NUDT3: variants seen among roughly 807,000 people sequenced by gnomAD.
NUDT3 encodes diphosphoinositol polyphosphate phosphohydrolase 1.
Under a neutral mutation model 23.6 loss-of-function variants are expected in NUDT3, and 9 were observed. That is an observed-to-expected ratio of 0.38 (90% confidence interval 0.23 to 0.66). The LOEUF (loss-of-function observed/expected upper bound fraction) is 0.66. Among genes scored for constraint, NUDT3 ranks in the 30% least tolerant of loss-of-function variants. The pLI is 0.52. For synonymous variants in NUDT3, 86 were observed against 82.6 expected (o/e 1.04, Z -0.22); for missense variants, 172 against 218.5 (o/e 0.79, Z 1.34).
intron 1 of NUDT3, among the ~76,000 whole-genome samples, chr6:34,354,520 C>T (rs1421522107): frequency 2.0e-5 from 3 of 151,594 alleles, no homozygotes; most frequent in Non-Finnish European, 2.9e-5. Context: ...GTCAGGAGCT[C>T]GAGACCAGCC....
intron 1 of NUDT3, among the ~76,000 whole-genome samples, chr6:34,388,103 G>A (rs1235744012): frequency 6.6e-6 from 1 of 152,046 alleles, no homozygotes; most frequent in Non-Finnish European, 1.5e-5. Flanking sequence ...TATTTATTCA[G>A]TACAGTCACA....
chr6:34,300,410 G>A (rs1318123128), intron 2 of NUDT3, among the ~76,000 whole-genome samples: 1 of 152,204 alleles, frequency 6.6e-6, no homozygotes, highest in Non-Finnish European at 1.5e-5. Flanking sequence ...GGGTTGTGGT[G>A]TACTTTGAGA....
At chr6:34,319,533 T>C (rs940485659) in intron 2 of NUDT3, among the ~76,000 whole-genome samples, 2 of 152,222 alleles carry the variant, frequency 1.3e-5, no homozygotes, top group South Asian at 4.1e-4. Flanking sequence ...CTGGGTGTGC[T>C]GTTCTCTAGG....
Position 34,305,778 on chromosome 6 carries a change from A to G in NUDT3, c.211-10093T>C, listed in dbSNP as rs554788417. Among the ~76,000 whole-genome samples the G allele has an allele frequency of 2.0e-5, 3 of 152,284 alleles. No homozygotes were observed. The South Asian group carries it at 6.2e-4, about 32-fold the overall frequency. On this transcript the variant is annotated intron_variant, in intron 2 of 4. Coordinates refer to ENST00000607016, the MANE Select transcript of NUDT3 (RefSeq NM_006703.4). Reference sequence around the variant, plus strand: ...TCTATGATGATTTGTGCTTTAACTCATGGATTATTTAGAACATTTTTTTGT... The same window carrying G: ...TCTATGATGATTTGTGCTTTAACTCGTGGATTATTTAGAACATTTTTTTGT...
chr6:34,349,450 A>G (rs984753771), intron 1 of NUDT3, among the ~76,000 whole-genome samples: 4 of 150,532 alleles, frequency 2.7e-5, no homozygotes, highest in African/African-American at 9.9e-5. Context: ...CACAGGGAGG[A>G]GTTGTGAAAT....
intron 1 of NUDT3, among the ~76,000 whole-genome samples, chr6:34,352,256 C>T (rs530485528): frequency 5.5e-4 from 83 of 152,220 alleles, no homozygotes; most frequent in African/African-American, 1.8e-3. Flanking sequence ...CCTCAACTTC[C>T]CGGGCTCAAG....
At chr6:34,297,759 A>ATATATATATATAT (rs60517827) in intron 2 of NUDT3, among the ~76,000 whole-genome samples, 49 of 71,052 alleles carry the variant, frequency 6.9e-4, no homozygotes, top group African/African-American at 2.4e-3. Context: ...ATATATATAT[A>ATATATATATATAT]ATTTTTTTTT....
At chr6:34,331,879 A>G (rs1048900157) in intron 2 of NUDT3, among the ~76,000 whole-genome samples, 2 of 151,948 alleles carry the variant, frequency 1.3e-5, no homozygotes, top group Non-Finnish European at 2.9e-5. Flanking sequence ...ATCTGTGTAT[A>G]CTTTTTTTTT....
chr6:34,292,455 G>A (rs1228486153), intron 4 of NUDT3, among the ~76,000 whole-genome samples: 1 of 152,070 alleles, frequency 6.6e-6, no homozygotes, highest in Non-Finnish European at 1.5e-5. Flanking sequence ...TACCACCACA[G>A]TTTATAGTTC....
chr6:34,362,327 T>C (rs1267720667), intron 1 of NUDT3, among the ~76,000 whole-genome samples: 1 of 151,920 alleles, frequency 6.6e-6, no homozygotes, highest in East Asian at 1.9e-4. Context: ...TACAGGAGCA[T>C]GCCACCACAC....
intron 1 of NUDT3, among the ~76,000 whole-genome samples, chr6:34,360,787 C>T (rs1764638442): frequency 6.6e-6 from 1 of 151,626 alleles, no homozygotes; most frequent in East Asian, 1.9e-4. Context: ...ACACAAGCCA[C>T]AAGATGGAAA....
chr6:34,361,722 G>A (rs1258294309), intron 1 of NUDT3, among the ~76,000 whole-genome samples: 1 of 152,108 alleles, frequency 6.6e-6, no homozygotes. Flanking sequence ...AGACATAGAG[G>A]AAACTTTAAT....
intron 1 of NUDT3, among the ~76,000 whole-genome samples, chr6:34,348,414 C>T (rs779996828): frequency 4.0e-5 from 6 of 151,758 alleles, no homozygotes; most frequent in Non-Finnish European, 8.8e-5. Flanking sequence ...CCCAGGAGGT[C>T]GAGGCTGCAG....
chr6:34,293,516 C>T lies in NUDT3; in HGVS notation c.275G>A (p.Arg92Lys). 6.2e-7 allele frequency: 1 copy of T among 1,614,186 alleles called. No homozygotes were observed. The highest frequency in any genetic ancestry group is 8.5e-7 in the Non-Finnish European group (1 of 1,180,014). ...GACAATGAGCACATAGACATACGTC[C>T]TGTGCTTCCTCTCCTGGTTCTGAAG... ...GIFENQERKH[R>K]TYVYVLIVTE... Residue 92 changes from arginine (R) to lysine (K), a missense_variant, in exon 4 of 5, where the codon AGG (arginine) becomes AAG (lysine). This residue lies in a region of NUDT3 where 59 missense variants were observed against 107.4 expected (regional missense o/e 0.55). Transcript: ENST00000607016.
intron 2 of NUDT3, among the ~76,000 whole-genome samples, chr6:34,337,923 G>C (rs1764232370): frequency 6.6e-6 from 1 of 152,060 alleles, no homozygotes; most frequent in Non-Finnish European, 1.5e-5. Flanking sequence ...CACCATTTTT[G>C]CCTTAAGCAC....
At chr6:34,391,705 G>C (rs376975791) in intron 1 of NUDT3, among the ~76,000 whole-genome samples, 68 of 152,228 alleles carry the variant, frequency 4.5e-4, no homozygotes, top group Admixed American at 9.2e-4. Flanking sequence ...ATAAACAGCT[G>C]GCTATGGCTT....
At position 34,387,252 on chromosome 6, in the gene NUDT3, G is replaced by A. The variant is rs185714962; in HGVS notation, c.99+5012C>T. 4.0e-3 allele frequency among the ~76,000 whole-genome samples: 613 copies of A among 151,642 alleles called. 1 individual carries two copies. Among genetic ancestry groups the A allele is most frequent in the Non-Finnish European group, 6.7e-3 (457 of 67,934 alleles). The stretch of plus-strand genomic sequence containing the variant: ...AGAGTGTATTCTATTTTTTTAAAAA[G>A]TTAATTGTAAAACAGTCTCAGAAGA... On this transcript the variant is annotated intron_variant, in intron 1 of 4. Transcript: ENST00000607016.
Position 34,392,427 on chromosome 6 carries a change from G to T in NUDT3, c.-65C>A. ...GTCGAGGGGTGGGGAGCCCGCTCTG[G>T]ACGGCCGCGTGCGCGCGCGCCCCCG... On this transcript the variant is annotated 5_prime_UTR_variant, in exon 1 of 5. Coordinates refer to ENST00000607016, the MANE Select transcript of NUDT3 (RefSeq NM_006703.4). 1 of 1,301,422 alleles carries T rather than the reference G, an allele frequency of 7.7e-7. No homozygotes were observed. The highest frequency in any genetic ancestry group is 1.1e-6 in the Non-Finnish European group (1 of 938,512). 80.6% of individuals were successfully genotyped at this position (1,301,422 alleles called of 1,614,324 possible). A position where few individuals can be genotyped will look rare whatever the true frequency, so the allele number is the denominator to read the frequency against.
chr6:34,380,112 T>G (rs1260986991), intron 1 of NUDT3, among the ~76,000 whole-genome samples: 2 of 152,172 alleles, frequency 1.3e-5, no homozygotes, highest in Non-Finnish European at 2.9e-5. Flanking sequence ...AGACAAAGTT[T>G]CGCTCTTGTT....
Sources: allele counts gnomAD v4.1 joint callset (sites outside exome capture counted in the v4.1 genomes callset), GRCh38; gene constraint gnomAD v4.1.1; regional missense constraint gnomAD v4.1.1; transcripts MANE v1.5; gene names NCBI Gene and HGNC (gene_info 2026-07-23, HGNC 2026-07-21).